The following GRIA4 variants were observed in gnomAD, a reference collection of about 807,000 sequenced individuals.
The protein encoded by GRIA4 is glutamate receptor 4.
In GRIA4, 34 loss-of-function variants were observed where a neutral mutation model predicts 104.0. The ratio of observed to expected loss-of-function variants is 0.33; its 90% CI spans 0.25 to 0.44. GRIA4 has a LOEUF of 0.44. GRIA4 is among the 20% of genes least tolerant of loss of function. GRIA4 has a pLI of 1.00. For missense variants in GRIA4, 750 were observed against 1,096.5 expected, an observed-to-expected ratio of 0.68 and a Z score of 4.46; for synonymous variants, 386 against 381.9, an observed-to-expected ratio of 1.01 and a Z score of -0.13.
intron 13 of GRIA4, among the ~76,000 whole-genome samples, chr11:105,931,458 C>T (rs1323998593): frequency 6.6e-6 from 1 of 151,976 alleles, no homozygotes; most frequent in African/African-American, 2.4e-5. Flanking sequence ...AATCCTAACA[C>T]TTTGGGAGGC....
chr11:105,820,539 A>T (rs1230232664), intron 4 of GRIA4, among the ~76,000 whole-genome samples: 1 of 152,072 alleles, frequency 6.6e-6, no homozygotes, highest in Non-Finnish European at 1.5e-5. Flanking sequence ...TGCATATGAA[A>T]TGAATTTTCT....
chr11:105,632,312 A>G (rs1471311561), intron 3 of GRIA4, among the ~76,000 whole-genome samples: 4 of 152,204 alleles, frequency 2.6e-5, no homozygotes, highest in African/African-American at 9.7e-5. Context: ...TCATCTCCAC[A>G]TAAGAACCTC....
At chr11:105,918,537 T>G (rs1170312411) in intron 10 of GRIA4, among the ~76,000 whole-genome samples, 175 bp from the exon 11 acceptor site, 1 of 152,134 alleles carries the variant, frequency 6.6e-6, no homozygotes, top group African/African-American at 2.4e-5. Flanking sequence ...ATTTAATCTC[T>G]TCTAAGCATA....
Position 105,910,503 on chromosome 11 carries a change from A to G in GRIA4, c.1227A>G (p.Thr409=). The part of the protein sequence containing the change: ...IQDVPTLGND[T]AAIENRTVVV... ...ATGTACCAACTCTTGGCAATGACAC[A>G]GCTGCTATTGAGAACAGAACAGTGG... Residue 409 remains threonine, a synonymous_variant, in exon 10 of 17, where the codon ACA becomes ACG. Coordinates refer to ENST00000282499, the MANE Select transcript of GRIA4 (RefSeq NM_000829.4). The G allele has an allele frequency of 6.3e-7, 1 of 1,597,626 alleles. No individual in the cohort carries two copies. Among genetic ancestry groups the G allele is most frequent in the South Asian group, 1.1e-5 (1 of 90,792 alleles).
intron 9 of GRIA4, among the ~76,000 whole-genome samples, chr11:105,906,558 G>T (rs1947047381): frequency 6.6e-6 from 1 of 152,154 alleles, no homozygotes; most frequent in African/African-American, 2.4e-5. Flanking sequence ...TACAATATGG[G>T]TGTGCTTCTG....
chr11:105,970,093 C>A (rs1858608974), intron 14 of GRIA4, among the ~76,000 whole-genome samples: 1 of 152,046 alleles, frequency 6.6e-6, no homozygotes, highest in African/African-American at 2.4e-5. Flanking sequence ...CAACTCACCC[C>A]ACCCTCAAAT....
At chr11:105,710,368 C>T (rs1346015560) in intron 3 of GRIA4, among the ~76,000 whole-genome samples, 1 of 151,972 alleles carries the variant, frequency 6.6e-6, no homozygotes, top group African/African-American at 2.4e-5. Flanking sequence ...ATGGAAGAGA[C>T]CCTTAAAATG....
rs548584267 is a variant in GRIA4, at chr11:105,823,659, T to G, written c.488-38365T>G. ...GCATAATGAACAAAGTATAATAAGA[T>G]CTATGGATATTGCAATTGGGACTGA... On this transcript the variant is annotated intron_variant, in intron 4 of 16. Transcript: ENST00000282499. Among the ~76,000 whole-genome samples the G allele has an allele frequency of 4.3e-4, 65 of 152,192 alleles. No homozygotes were observed. In the South Asian group the frequency reaches 0.013, roughly 31 times the overall value.
chr11:105,805,245 C>A, intron 4 of GRIA4, among the ~76,000 whole-genome samples: 1 of 151,528 alleles, frequency 6.6e-6, no homozygotes, highest in Non-Finnish European at 1.5e-5. Context: ...TCTACAGACA[C>A]TCAGTATTAG....
intron 3 of GRIA4, among the ~76,000 whole-genome samples, chr11:105,623,185 G>GT (rs1357309179): frequency 6.6e-6 from 1 of 151,120 alleles, no homozygotes; most frequent in East Asian, 1.9e-4. Flanking sequence ...ACATACAAGT[G>GT]CAGGTACCTT....
At chr11:105,702,497 AC>A (rs1302038136) in intron 3 of GRIA4, among the ~76,000 whole-genome samples, 2 of 151,886 alleles carry the variant, frequency 1.3e-5, no homozygotes, top group African/African-American at 4.8e-5. Flanking sequence ...GGAAATATCT[AC>A]AACCAATGGT....
intron 3 of GRIA4, among the ~76,000 whole-genome samples, chr11:105,696,654 A>G (rs1215032786): frequency 6.6e-6 from 1 of 152,192 alleles, no homozygotes; most frequent in Non-Finnish European, 1.5e-5. Flanking sequence ...CTGAAATTTA[A>G]TTAATTGAAA....
At chr11:105,815,827 C>T (rs932538898) in intron 4 of GRIA4, among the ~76,000 whole-genome samples, 1 of 152,040 alleles carries the variant, frequency 6.6e-6, no homozygotes, top group African/African-American at 2.4e-5. Context: ...AATTTTAAGG[C>T]CTTACCTTCT....
At chr11:105,880,400 G>C (rs1427545291) in intron 5 of GRIA4, among the ~76,000 whole-genome samples, 1 of 152,134 alleles carries the variant, frequency 6.6e-6, no homozygotes, top group African/African-American at 2.4e-5. Context: ...GGGATAAAGG[G>C]GTGGCATGGA....
intron 3 of GRIA4, among the ~76,000 whole-genome samples, chr11:105,695,446 G>A (rs1201779807): frequency 2.9e-5 from 4 of 139,978 alleles, no homozygotes; most frequent in South Asian, 2.5e-4. Flanking sequence ...GTATGCGTGC[G>A]TGTGTGTGTG....
intron 3 of GRIA4, among the ~76,000 whole-genome samples, chr11:105,749,711 T>A (rs1454531409): frequency 6.6e-6 from 1 of 152,204 alleles, no homozygotes; most frequent in African/African-American, 2.4e-5. Flanking sequence ...CATATTTAAT[T>A]AGTTGACACA....
intron 4 of GRIA4, among the ~76,000 whole-genome samples, chr11:105,810,523 G>A (rs1238475739): frequency 3.6e-4 from 55 of 152,032 alleles, no homozygotes; most frequent in Admixed American, 3.6e-3. Context: ...CACCCTATTA[G>A]GTCCTGGAGG....
intron 14 of GRIA4, among the ~76,000 whole-genome samples, chr11:105,966,709 T>TA (rs953415455): frequency 3.3e-5 from 5 of 151,952 alleles, no homozygotes; most frequent in African/African-American, 7.3e-5. Flanking sequence ...TAGTTTTTTT[T>TA]ATTTCTAAGC....
At chr11:105,953,224 A>C (rs1002991178) in intron 14 of GRIA4, among the ~76,000 whole-genome samples, 2 of 152,044 alleles carry the variant, frequency 1.3e-5, no homozygotes, top group Non-Finnish European at 2.9e-5. Flanking sequence ...TTAGTTCTTC[A>C]CTCTTCATCA....
Sources: allele counts gnomAD v4.1 joint callset (sites outside exome capture counted in the v4.1 genomes callset), GRCh38; gene constraint gnomAD v4.1.1; transcripts MANE v1.5; gene names NCBI Gene and HGNC (gene_info 2026-07-23, HGNC 2026-07-21).